Variants in PCDHA3 observed in about 807,000 individuals in gnomAD.
The protein encoded by PCDHA3 is protocadherin alpha 3.
Under a neutral mutation model 62.2 loss-of-function variants are expected in PCDHA3, and 41 were observed. The ratio of observed to expected loss-of-function variants is 0.66; its 90% CI spans 0.51 to 0.86. The LOEUF (loss-of-function observed/expected upper bound fraction) is 0.86, where lower values mean the gene tolerates loss of function less well. Among genes scored for constraint, PCDHA3 ranks in the 40% least tolerant of loss-of-function variants. The pLI is 0.00. For missense variants in PCDHA3, 1,304 were observed against 1,241.2 expected (o/e 1.05, Z -0.76); for synonymous variants, 640 against 555.4 (o/e 1.15, Z -2.14).
intron 1 of PCDHA3, chr5:140,864,363 C>G (rs1389030549): frequency 6.6e-6 from 1 of 152,156 alleles, no homozygotes; most frequent in Non-Finnish European, 1.5e-5. Flanking sequence ...GTTTATCTTT[C>G]TATAATCGAT....
chr5:140,823,088 C>T (rs1554129125), intron 1 of PCDHA3: 5 of 1,613,882 alleles, frequency 3.1e-6, no homozygotes, highest in Non-Finnish European at 4.2e-6. Context: ...TGGGCCACCG[C>T]CAGCGTGTCT....
chr5:140,846,510 G>A (rs1179802495), intron 1 of PCDHA3, among the ~76,000 whole-genome samples: 11 of 147,866 alleles, frequency 7.4e-5, no homozygotes, highest in African/African-American at 2.7e-4. Flanking sequence ...AAGTAGCTGG[G>A]ATTACAGGTG....
chr5:140,905,991 G>C (rs1377300111), intron 1 of PCDHA3, among the ~76,000 whole-genome samples: 1 of 152,156 alleles, frequency 6.6e-6, no homozygotes, highest in Non-Finnish European at 1.5e-5. Flanking sequence ...AAAGATGTAG[G>C]CTGGGAGGCT....
chr5:140,884,395 C>A, intron 1 of PCDHA3: 1 of 1,614,000 alleles, frequency 6.2e-7, no homozygotes, highest in Non-Finnish European at 8.5e-7. Flanking sequence ...CGGTGTCCAG[C>A]CTGTTGGTGC....
At position 140,857,279 on chromosome 5, in the gene PCDHA3, G is replaced by A. The variant is rs782434219; in HGVS notation, c.2394+53688G>A. 6 of 1,598,610 alleles carry A rather than the reference G, an allele frequency of 3.8e-6. No homozygotes were observed. Among genetic ancestry groups the A allele is most frequent in the Admixed American group, 1.7e-5 (1 of 59,324 alleles). Reference sequence around the variant, plus strand: ...TTACTACTCATTGGTGCTGGACAGCGCTCTGGACCGCGAGAGGGTGTCGGC... The same window carrying A: ...TTACTACTCATTGGTGCTGGACAGCACTCTGGACCGCGAGAGGGTGTCGGC... On this transcript the variant is annotated intron_variant, in intron 1 of 3. Coordinates refer to ENST00000522353, the MANE Select transcript of PCDHA3 (RefSeq NM_018906.3).
At chr5:140,811,658 T>C (rs2126630798) in intron 1 of PCDHA3, 88,405 of 151,980 alleles carry the variant, frequency 0.58, 26,434 homozygotes, top group African/African-American at 0.72. Flanking sequence ...CTCTCCAGCA[T>C]GTGTTGTTTC....
chr5:140,923,200 G>C (rs2081224774), intron 1 of PCDHA3, among the ~76,000 whole-genome samples: 1 of 152,166 alleles, frequency 6.6e-6, no homozygotes, highest in Admixed American at 6.5e-5. Flanking sequence ...AGCAATTTGG[G>C]AGGCTAAGGT....
At chr5:140,912,116 C>G (rs2075772929) in intron 1 of PCDHA3, among the ~76,000 whole-genome samples, 1 of 152,188 alleles carries the variant, frequency 6.6e-6, no homozygotes, top group Non-Finnish European at 1.5e-5. Context: ...GGCTGGGAGG[C>G]TAAGTCAGTC....
chr5:140,993,631 G>A (rs1466996708), intron 3 of PCDHA3, among the ~76,000 whole-genome samples: 2 of 152,162 alleles, frequency 1.3e-5, no homozygotes, highest in African/African-American at 2.4e-5. Context: ...ATATATAGTC[G>A]TGTACCAAAT....
chr5:140,842,094 G>C (rs2150329211), intron 1 of PCDHA3: 1 of 1,613,884 alleles, frequency 6.2e-7, no homozygotes, highest in South Asian at 1.1e-5. Context: ...GCAGACAACG[G>C]AACAACAGTT....
In PCDHA3 at chr5:140,805,522, C is replaced by G. The variant is rs548856150; in HGVS notation, c.2394+1931C>G. 2,936 of 986,646 alleles carry G rather than the reference C, an allele frequency of 3.0e-3. 6 individuals carry two copies. Among genetic ancestry groups the G allele is most frequent in the Middle Eastern group, 4.7e-3 (9 of 1,926 alleles). The allele number at this position is 986,646 out of a possible 1,614,324, so 61.1% of individuals were successfully genotyped here. On this transcript the variant is annotated intron_variant, in intron 1 of 3. Coordinates refer to ENST00000522353, the MANE Select transcript of PCDHA3 (RefSeq NM_018906.3). ...TCACTAGATTGATTTTTTGTTTAGACAAACAGGATGAAAATAACTTTATGG... is the reference window on the plus strand; with the variant it reads ...TCACTAGATTGATTTTTTGTTTAGAGAAACAGGATGAAAATAACTTTATGG...
In PCDHA3 at chr5:140,870,510, A is replaced by G. The variant is rs185967358; in HGVS notation, c.2394+66919A>G. On this transcript the variant is annotated intron_variant, in intron 1 of 3. Transcript: ENST00000522353. ...TGTTCGTGAAGGAGAACAACCCACCAGGCTGCCACATCTTCACAGTGTCGG... is the reference window on the plus strand; with the variant it reads ...TGTTCGTGAAGGAGAACAACCCACCGGGCTGCCACATCTTCACAGTGTCGG... 4.8e-3 allele frequency: 7,668 copies of G among 1,614,220 alleles called. 19 individuals carry two copies. The highest frequency in any genetic ancestry group is 5.8e-3 in the Non-Finnish European group (6,886 of 1,180,042).
chr5:140,820,699 T>G (rs2150107645), intron 1 of PCDHA3, among the ~76,000 whole-genome samples: 7 of 152,096 alleles, frequency 4.6e-5, no homozygotes, highest in African/African-American at 1.7e-4. Context: ...GATATTCTTT[T>G]CAACATGATT....
In PCDHA3 at chr5:140,882,282, G is replaced by T. The variant is rs145553181; in HGVS notation, c.2394+78691G>T. On this transcript the variant is annotated intron_variant, in intron 1 of 3. Coordinates refer to ENST00000522353, the MANE Select transcript of PCDHA3 (RefSeq NM_018906.3). Reference sequence around the variant, plus strand: ...TTGGAGTGTACCATGCTGTCTTCCTGGCAAGGAGGCCCAAGACCGCGGCAA... The same window carrying T: ...TTGGAGTGTACCATGCTGTCTTCCTTGCAAGGAGGCCCAAGACCGCGGCAA... 4.2e-5 allele frequency: 68 copies of T among 1,612,712 alleles called. No individual in the cohort carries two copies. The African/African-American group carries it at 8.4e-4, about 20-fold the overall frequency.
chr5:140,861,768 T>TACCA (rs3834243), intron 1 of PCDHA3: 106,057 of 158,892 alleles, frequency 0.67, 35,632 homozygotes, highest in African/African-American at 0.71. Flanking sequence ...TCCCTGGAAA[T>TACCA]ACCAAGAGCA....
chr5:140,822,222 G>C (rs2150114654), intron 1 of PCDHA3: 1 of 1,614,212 alleles, frequency 6.2e-7, no homozygotes, highest in South Asian at 1.1e-5. Flanking sequence ...TGCCAGATTC[G>C]CGGTTTCCGC....
intron 1 of PCDHA3, among the ~76,000 whole-genome samples, chr5:140,917,523 G>A (rs1201312809): frequency 2.0e-5 from 3 of 152,182 alleles, no homozygotes; most frequent in Non-Finnish European, 4.4e-5. Context: ...TTATTCTACG[G>A]TTTGTATAGT....
intron 1 of PCDHA3, among the ~76,000 whole-genome samples, chr5:140,879,152 A>C (rs1369330748): frequency 6.6e-6 from 1 of 152,210 alleles, no homozygotes; most frequent in African/African-American, 2.4e-5. Context: ...CAGGAAAGCT[A>C]TTTCTTTTTT....
chr5:140,850,803 A>C, intron 1 of PCDHA3: 1 of 1,598,380 alleles, frequency 6.3e-7, no homozygotes, highest in African/African-American at 1.3e-5. Flanking sequence ...GACCGACCTC[A>C]TGGCCTTCAG....
Sources: gnomAD v4.1 joint callset for allele counts (sites outside exome capture counted in the v4.1 genomes callset) on GRCh38, gnomAD v4.1.1 for gene constraint, MANE v1.5 for transcripts, NCBI Gene and HGNC (gene_info 2026-07-23, HGNC 2026-07-21) for gene names.